Variants in INF2 observed in about 807,000 individuals in gnomAD.
The protein encoded by INF2 is inverted formin 2.
A neutral mutation model predicts 123.5 loss-of-function variants in INF2; 43 were observed. The observed-to-expected ratio is 0.35, with a 90% CI of 0.27 to 0.45. INF2 has a LOEUF of 0.45. Ranked by LOEUF, INF2 falls within the 20% of genes least tolerant of loss-of-function variation. INF2 has a pLI of 1.00. For synonymous variants in INF2, 851 were observed against 745.0 expected (o/e 1.14, Z -2.32); for missense variants, 1,453 against 1,682.7 (o/e 0.86, Z 2.39).
At chr14:104,698,503 C>G (rs145960815) in intron 1 of INF2, among the ~76,000 whole-genome samples, 1 of 152,314 alleles carries the variant, frequency 6.6e-6, no homozygotes, top group African/African-American at 2.4e-5. Context: ...TTTATAGACA[C>G]AGGGAAGGCT....
At chr14:104,714,163 G>T in intron 20 of INF2, 40 bp from the exon 21 acceptor site, 1 of 1,451,824 alleles carries the variant, frequency 6.9e-7, no homozygotes, top group Non-Finnish European at 9.1e-7. Context: ...TGGCTCGGGG[G>T]CAGGGTGCCT....
At chr14:104,716,974 G>T (rs1327563689) in intron 22 of INF2, among the ~76,000 whole-genome samples, 2 of 152,220 alleles carry the variant, frequency 1.3e-5, no homozygotes, top group East Asian at 3.9e-4. Flanking sequence ...TTACAGGCGT[G>T]AGCCACCGTG....
intron 22 of INF2, chr14:104,715,697 GGTTGCT>G: frequency 1.9e-6 from 1 of 539,846 alleles, no homozygotes; most frequent in Non-Finnish European, 3.5e-6. Flanking sequence ...GACAGGCTGA[GGTTGCT>G]CCTGTCTGGT....
chr14:104,698,093 G>A (rs1371702551), intron 1 of INF2, among the ~76,000 whole-genome samples: 3 of 152,240 alleles, frequency 2.0e-5, no homozygotes, highest in Non-Finnish European at 4.4e-5. Context: ...CCCTACAGCC[G>A]GGGCTGGGGA....
chr14:104,700,893 A>T, intron 1 of INF2: 1 of 984,514 alleles, frequency 1.0e-6, no homozygotes, highest in Non-Finnish European at 1.2e-6. Context: ...CATATTGTCC[A>T]CTGGGGCGGG....
Position 104,703,419 on chromosome 14 carries a change from T to C in INF2, c.632T>C (p.Leu211Pro), listed in dbSNP as rs755503622. 2.7e-5 allele frequency: 44 copies of C among 1,612,702 alleles called. No homozygotes were observed. Among genetic ancestry groups the C allele is most frequent in the Non-Finnish European group, 3.5e-5 (41 of 1,179,938 alleles). Residue 211 changes from leucine to proline, a missense_variant, in exon 4 of 23, where the codon CTG becomes CCG. Leu to Pro is a moderately conservative substitution (Grantham distance 98, BLOSUM62 -3). Around this residue, in one of 8 missense-constraint regions of INF2, gnomAD observed 251 missense variants for 349.4 expected, o/e 0.72. Coordinates refer to ENST00000392634, the MANE Select transcript of INF2 (RefSeq NM_022489.4). The stretch of plus-strand genomic sequence containing the variant: ...GCCGTCATCTTGGGCCCCGAGGACC[T>C]GCGCGCGCGCACCCAGCTGCGGAAC... ...INAVILGPED[L>P]RARTQLRNEF...
In INF2 at chr14:104,707,450, G is replaced by C. The variant is rs374769850; in HGVS notation, c.1183G>C (p.Glu395Gln). The C allele has an allele frequency of 1.3e-6, 2 of 1,563,906 alleles. No homozygotes were observed. Among genetic ancestry groups the C allele is most frequent in the Non-Finnish European group, 1.7e-6 (2 of 1,155,064 alleles). Residue 395 changes from glutamate (E) to glutamine (Q), a missense_variant, in exon 8 of 23, where the codon GAG (glutamate) becomes CAG (glutamine). Around this residue, in one of 8 missense-constraint regions of INF2, gnomAD observed 374 missense variants for 303.7 expected, o/e 1.23. Coordinates refer to ENST00000392634, the MANE Select transcript of INF2 (RefSeq NM_022489.4). Reference protein sequence around the residue: ...GQQPAAAAACEPVDHAQSESI... With the variant: ...GQQPAAAAACQPVDHAQSESI... ...GCAGCCAGCAGCAGCTGCTGCCTGC[G>C]AGCCCGTGGACCACGCCCAGAGTGA...
chr14:104,683,146 A>G (rs1888569929), intron 1 of INF2, among the ~76,000 whole-genome samples: 1 of 147,790 alleles, frequency 6.8e-6, no homozygotes, highest in East Asian at 2.1e-4. Context: ...CCTCAAAGAC[A>G]CAGAGACCTG....
chr14:104,702,803 G>A (rs1889592335), intron 2 of INF2, among the ~76,000 whole-genome samples: 1 of 152,188 alleles, frequency 6.6e-6, no homozygotes, highest in Non-Finnish European at 1.5e-5. Flanking sequence ...GGTTGTGTCT[G>A]CCATAAACAC....
In INF2 at chr14:104,706,131, C is replaced by G. The variant is rs375005967; in HGVS notation, c.798C>G (p.Val266=). Residue 266 remains valine (V), a synonymous_variant, in exon 6 of 23, where the codon GTC becomes GTG. Coordinates refer to ENST00000392634, the MANE Select transcript of INF2 (RefSeq NM_022489.4). ...EEELLRVSGG[V]DMSSHQEVFA... Reference sequence around the variant, plus strand: ...AGCTGCTGCGAGTCTCTGGCGGGGTCGACATGAGCAGCCACCAGGAGGTCT... The same window carrying G: ...AGCTGCTGCGAGTCTCTGGCGGGGTGGACATGAGCAGCCACCAGGAGGTCT... 311 of 1,607,868 alleles carry G rather than the reference C, an allele frequency of 1.9e-4. No individual in the cohort carries two copies. The highest frequency in any genetic ancestry group is 2.5e-4 in the Non-Finnish European group (295 of 1,177,796).
intron 1 of INF2, among the ~76,000 whole-genome samples, chr14:104,700,358 A>T (rs1376678524): frequency 6.6e-6 from 1 of 152,016 alleles, no homozygotes; most frequent in Non-Finnish European, 1.5e-5. Flanking sequence ...CAGGGTGGAG[A>T]GTGCTGGGCC....
At chr14:104,698,610 C>G (rs1889315862) in intron 1 of INF2, among the ~76,000 whole-genome samples, 1 of 152,250 alleles carries the variant, frequency 6.6e-6, no homozygotes. Context: ...AGGTCCCAGC[C>G]ATTTGGGGCC....
intron 1 of INF2, among the ~76,000 whole-genome samples, chr14:104,691,727 AG>A (rs1888962827): frequency 6.7e-6 from 1 of 148,588 alleles, no homozygotes; most frequent in South Asian, 2.2e-4. Flanking sequence ...GAGAGAGGGC[AG>A]GGGCACGGGC....
chr14:104,708,075 G>A lies in INF2; in HGVS notation c.1735+73G>A, dbSNP rs146732870. Reference sequence around the variant, plus strand: ...TGGTCTCTGCTGGGGAGAGGGGCAGGTGGCACATGGAACTTGTGTGCGCGT... The same window carrying A: ...TGGTCTCTGCTGGGGAGAGGGGCAGATGGCACATGGAACTTGTGTGCGCGT... On this transcript the variant is annotated intron_variant, in intron 8 of 22. Coordinates refer to ENST00000392634, the MANE Select transcript of INF2 (RefSeq NM_022489.4). 0.012 allele frequency: 19,011 copies of A among 1,592,956 alleles called. 157 individuals carry two copies. The highest frequency in any genetic ancestry group is 0.025 in the Middle Eastern group (153 of 6,034).
upstream of INF2, among the ~76,000 whole-genome samples, chr14:104,687,408 C>CT (rs1888690222): frequency 6.6e-6 from 1 of 151,980 alleles, no homozygotes; most frequent in African/African-American, 2.4e-5. The surrounding 1 kb of genome is among the most constrained non-coding windows in gnomAD (Gnocchi z 5.6). Flanking sequence ...GGAAAACCCC[C>CT]TTTCAGTGTC....
chr14:104,687,353 C>T (rs1485872975), upstream of INF2, among the ~76,000 whole-genome samples: 2 of 151,912 alleles, frequency 1.3e-5, no homozygotes, highest in African/African-American at 2.4e-5. This position sits in a 1 kb window ranked among gnomAD's most constrained non-coding sequence, Gnocchi z 5.6. Flanking sequence ...GTGCTCAAGC[C>T]GGGTTGAACC....
chr14:104,716,041 C>G (rs1272788160), intron 22 of INF2: 4 of 438,662 alleles, frequency 9.1e-6, no homozygotes, highest in African/African-American at 4.0e-5. Flanking sequence ...GCTGGAGAGG[C>G]CAATGCATCC....
chr14:104,714,817 G>C lies in INF2; in HGVS notation c.3655G>C (p.Gly1219Arg). 6.3e-7 allele frequency: 1 copy of C among 1,593,626 alleles called. No homozygotes were observed. Among genetic ancestry groups the C allele is most frequent in the South Asian group, 1.1e-5 (1 of 88,546 alleles). ...RARGRASKGT[G>R]KRRKKRPSRS... Reference sequence around the variant, plus strand: ...CCGGGGCCGGGCCTCAAAGGGGACCGGGAAGCGAAGGAAGAAGCGTCCCTC... The same window carrying C: ...CCGGGGCCGGGCCTCAAAGGGGACCCGGAAGCGAAGGAAGAAGCGTCCCTC... The change falls in exon 21 of 23, where the codon GGG (glycine) becomes CGG (arginine). Residue 1219 changes from glycine (G) to arginine (R), a missense_variant. Gly to Arg is a moderately radical substitution (Grantham distance 125). This residue lies in a region of INF2 where 344 missense variants were observed against 333.1 expected (regional missense o/e 1.03). Transcript: ENST00000392634.
intron 1 of INF2, among the ~76,000 whole-genome samples, chr14:104,691,881 G>A (rs1888970895): frequency 1.3e-5 from 2 of 152,104 alleles, no homozygotes. Context: ...CCTGAGCTGG[G>A]GTGAGGTCTG....
Sources: gnomAD v4.1 joint callset for allele counts (sites outside exome capture counted in the v4.1 genomes callset) on GRCh38, gnomAD v4.1.1 for gene constraint, gnomAD v4.1.1 regional missense constraint, Gnocchi (gnomAD v3.1) non-coding constraint, MANE v1.5 for transcripts, NCBI Gene and HGNC (gene_info 2026-07-23, HGNC 2026-07-21) for gene names.